IL1R1: variants seen among roughly 807,000 people sequenced by gnomAD.
The protein encoded by IL1R1 is interleukin 1 receptor type 1.
Under a neutral mutation model 50.2 loss-of-function variants are expected in IL1R1, and 22 were observed. The ratio of observed to expected loss-of-function variants is 0.44; its 90% CI spans 0.31 to 0.63. The LOEUF (loss-of-function observed/expected upper bound fraction) is 0.63. IL1R1 is among the 20% of genes least tolerant of loss of function. The probability of loss-of-function intolerance (pLI) is 0.07; values close to 1 mark genes in which losing one functional copy is unlikely to be tolerated. For missense variants in IL1R1, 509 were observed against 676.2 expected (o/e 0.75, Z 2.74); for synonymous variants, 251 against 236.7 (o/e 1.06, Z -0.55).
intron 10 of IL1R1, 24 bp downstream of exon 10, chr2:102,174,754 T>A: frequency 6.3e-7 from 1 of 1,583,286 alleles, no homozygotes. Context: ...TTCCATGCAG[T>A]ATTTCTTGTT....
chr2:102,110,399 G>C (rs971339876), intron 1 of IL1R1, among the ~76,000 whole-genome samples: 1 of 151,940 alleles, frequency 6.6e-6, no homozygotes, highest in Non-Finnish European at 1.5e-5. Flanking sequence ...GTGTACACTT[G>C]TGATTTTGAT....
At chr2:102,133,298 C>T (rs989382194) in intron 1 of IL1R1, among the ~76,000 whole-genome samples, 4 of 149,300 alleles carry the variant, frequency 2.7e-5, no homozygotes, top group East Asian at 1.9e-4. Context: ...CCAGATAACA[C>T]GTCTTGTGAA....
At chr2:102,108,654 T>C (rs1411503712) in intron 1 of IL1R1, among the ~76,000 whole-genome samples, 1 of 152,086 alleles carries the variant, frequency 6.6e-6, no homozygotes, top group Non-Finnish European at 1.5e-5. Context: ...AAAACCTAAA[T>C]GGAGCTTTTC....
chr2:102,089,904 G>A (rs2104308509), intron 1 of IL1R1, among the ~76,000 whole-genome samples: 1 of 150,622 alleles, frequency 6.6e-6, no homozygotes, highest in East Asian at 2.0e-4. Flanking sequence ...TACGATCTCG[G>A]CTCACTGCAA....
At position 102,179,751 on chromosome 2, in the gene IL1R1, A is replaced by C. The variant is rs142334803; in HGVS notation, c.*2992A>C. The stretch of plus-strand genomic sequence containing the variant: ...TGAAGGAGTTTTTTTTAACCTGTTT[A>C]TATAATTTTGCAGCAGAAGCCAAAT... On this transcript the variant is annotated 3_prime_UTR_variant, in exon 12 of 12. Transcript: ENST00000410023. 1 of 152,892 alleles carries C rather than the reference A, an allele frequency of 6.5e-6. No homozygotes were observed. The highest frequency in any genetic ancestry group is 2.4e-5 in the African/African-American group (1 of 41,574). 9.5% of individuals were successfully genotyped at this position (152,892 alleles called of 1,614,324 possible).
At chr2:102,081,986 G>A (rs1000902815) in intron 1 of IL1R1, among the ~76,000 whole-genome samples, 23 of 152,172 alleles carry the variant, frequency 1.5e-4, no homozygotes, top group African/African-American at 5.3e-4. Flanking sequence ...TCAAATGTTA[G>A]CCTGCCTCAG....
chr2:102,081,949 C>T (rs1480758638), intron 1 of IL1R1, among the ~76,000 whole-genome samples: 2 of 152,156 alleles, frequency 1.3e-5, no homozygotes, highest in Non-Finnish European at 2.9e-5. Context: ...AAAACATGGG[C>T]TACAGAGCAT....
chr2:102,164,855 C>T lies in IL1R1; in HGVS notation c.143C>T (p.Pro48Leu), dbSNP rs1685035386. The T allele has an allele frequency of 6.2e-7, 1 of 1,613,954 alleles. No individual in the cohort carries two copies. The highest frequency in any genetic ancestry group is 1.3e-5 in the African/African-American group (1 of 75,014). The change falls in exon 4 of 12, where the codon CCA becomes CTA. Residue 48 changes from proline to leucine, a missense_variant. Physicochemically the swap from Pro to Leu is moderately conservative, Grantham distance 98 (BLOSUM62 -3). Transcript: ENST00000410023. ...EIDVRPCPLN[P>L]NEHKGTITWY... ...GATGTTCGTCCCTGTCCTCTTAACC[C>T]AAATGAACACAAAGGCACTATAACT...
intron 9 of IL1R1, among the ~76,000 whole-genome samples, chr2:102,173,071 T>A (rs2104629231): frequency 6.6e-6 from 1 of 152,354 alleles, no homozygotes; most frequent in South Asian, 2.1e-4. Flanking sequence ...TTAGGGCCTC[T>A]GTATGTACTT....
intron 1 of IL1R1, among the ~76,000 whole-genome samples, chr2:102,096,935 A>G (rs1276785563): frequency 6.8e-6 from 1 of 147,248 alleles, no homozygotes; most frequent in African/African-American, 2.5e-5. Context: ...TCCTCAGCAT[A>G]TGCTTTGCCT....
At chr2:102,175,691 A>G (rs746621022) in intron 11 of IL1R1, 46 bp downstream of exon 11, 38 of 1,565,130 alleles carry the variant, frequency 2.4e-5, no homozygotes, top group Middle Eastern at 1.7e-4. Context: ...TTGTAAAACT[A>G]CTTAGTAAAA....
In IL1R1 at chr2:102,162,384, A is replaced by C. The variant is rs75532528; in HGVS notation, c.62-2390A>C. 6.0e-3 allele frequency among the ~76,000 whole-genome samples: 918 copies of C among 152,264 alleles called. 16 individuals carry two copies. The highest frequency in any genetic ancestry group is 0.021 in the African/African-American group (888 of 41,554). The stretch of plus-strand genomic sequence containing the variant: ...GCCTTTCAATGAGAGTGTTTAGACT[A>C]TTTGAAATTTTAGTGTGATTATTCA... On this transcript the variant is annotated intron_variant, in intron 3 of 11. Coordinates refer to ENST00000410023, the MANE Select transcript of IL1R1 (RefSeq NM_000877.4).
chr2:102,119,070 T>G (rs1222753490), intron 1 of IL1R1, among the ~76,000 whole-genome samples: 1 of 151,064 alleles, frequency 6.6e-6, no homozygotes, highest in Non-Finnish European at 1.5e-5. Flanking sequence ...TTTTTATCTA[T>G]CTCACGTTTA....
At chr2:102,120,850 G>A (rs73943982) in intron 1 of IL1R1, among the ~76,000 whole-genome samples, 2,094 of 152,278 alleles carry the variant, frequency 0.014, 44 homozygotes, top group African/African-American at 0.048. Flanking sequence ...CATGGTGTGC[G>A]CACAATAAAA....
chr2:102,148,163 G>A (rs2104472142), intron 1 of IL1R1, among the ~76,000 whole-genome samples: 2 of 152,300 alleles, frequency 1.3e-5, no homozygotes, highest in South Asian at 2.1e-4. Flanking sequence ...TAGAGCGTGG[G>A]TGACTAATCT....
At chr2:102,140,715 G>A (rs1470774685), upstream of IL1R1, among the ~76,000 whole-genome samples, 2 of 152,162 alleles carry the variant, frequency 1.3e-5, no homozygotes, top group Admixed American at 1.3e-4. Flanking sequence ...AGACAGGCAG[G>A]CACACCAGTT....
Position 102,157,792 on chromosome 2 carries a change from T to G in IL1R1, c.61+7T>G, listed in dbSNP as rs765458305. ...ATTTCTTCTCTGGAGGCTGGTAAGTTAAGTATTTCTTTGTGTTCTTGTCTG... is the reference window on the plus strand; with the variant it reads ...ATTTCTTCTCTGGAGGCTGGTAAGTGAAGTATTTCTTTGTGTTCTTGTCTG... On this transcript the variant is annotated splice_region_variant and intron_variant, in intron 3 of 11. Coordinates refer to ENST00000410023, the MANE Select transcript of IL1R1 (RefSeq NM_000877.4). The G allele has an allele frequency of 1.3e-6, 2 of 1,573,650 alleles. No homozygotes were observed. Among genetic ancestry groups the G allele is most frequent in the Admixed American group, 3.3e-5 (2 of 59,912 alleles).
At chr2:102,175,672 G>A in intron 11 of IL1R1, 27 bp downstream of exon 11, 2 of 1,607,542 alleles carry the variant, frequency 1.2e-6, no homozygotes, top group Non-Finnish European at 8.5e-7. Flanking sequence ...ACAGAGTAAA[G>A]GCTTATTGTT....
intron 1 of IL1R1, among the ~76,000 whole-genome samples, chr2:102,146,087 T>C (rs1229873998): frequency 2.0e-5 from 3 of 152,038 alleles, no homozygotes; most frequent in Admixed American, 2.0e-4. Context: ...TGACCCTCCC[T>C]GTAAGCACAG....
Sources: gnomAD v4.1 joint callset for allele counts (sites outside exome capture counted in the v4.1 genomes callset) on GRCh38, gnomAD v4.1.1 for gene constraint, MANE v1.5 for transcripts, NCBI Gene and HGNC (gene_info 2026-07-23, HGNC 2026-07-21) for gene names.